PHKB: variants seen among roughly 807,000 people sequenced by gnomAD.
The protein encoded by PHKB is phosphorylase b kinase regulatory subunit beta.
Under a neutral mutation model 152.1 loss-of-function variants are expected in PHKB, and 122 were observed. The observed-to-expected ratio is 0.80, with a 90% CI of 0.69 to 0.93. PHKB has a LOEUF of 0.93. Ranked by LOEUF, PHKB falls within the 40% of genes least tolerant of loss-of-function variation. The pLI, the probability that PHKB is intolerant of heterozygous loss-of-function variation, is 0.00. For missense variants in PHKB, 1,304 were observed against 1,328.4 expected (o/e 0.98, Z 0.29); for synonymous variants, 436 against 464.9 (o/e 0.94, Z 0.80).
intron 1 of PHKB, among the ~76,000 whole-genome samples, chr16:47,484,799 GTAGT>G (rs1200093098): frequency 6.6e-6 from 1 of 152,176 alleles, no homozygotes; most frequent in Non-Finnish European, 1.5e-5. Flanking sequence ...CAATGCATAA[GTAGT>G]TAGGCATTCA....
intron 16 of PHKB, among the ~76,000 whole-genome samples, chr16:47,644,289 C>G (rs1222781212): frequency 6.6e-6 from 1 of 152,154 alleles, no homozygotes; most frequent in Non-Finnish European, 1.5e-5. Context: ...TTGTCTAAAA[C>G]CACTGCTATT....
intron 14 of PHKB, among the ~76,000 whole-genome samples, chr16:47,639,437 G>T (rs1027587248): frequency 6.6e-6 from 1 of 152,206 alleles, no homozygotes; most frequent in Non-Finnish European, 1.5e-5. Flanking sequence ...TGGGGCAAAA[G>T]GTCCCACTTG....
intron 5 of PHKB, among the ~76,000 whole-genome samples, chr16:47,513,797 A>G (rs183351524): frequency 6.6e-6 from 1 of 152,294 alleles, no homozygotes; most frequent in African/African-American, 2.4e-5. Flanking sequence ...CCTGGCTGAA[A>G]GTTTTTCACT....
chr16:47,653,282 G>T (rs951938084), intron 20 of PHKB, among the ~76,000 whole-genome samples: 2 of 152,120 alleles, frequency 1.3e-5, no homozygotes, highest in Non-Finnish European at 2.9e-5. Context: ...TTTAATCCTT[G>T]TATCTCCTGC....
chr16:47,507,846 C>T (rs1295093941), intron 4 of PHKB, among the ~76,000 whole-genome samples: 2 of 152,206 alleles, frequency 1.3e-5, no homozygotes, highest in Non-Finnish European at 2.9e-5. Context: ...CATACCTTCA[C>T]ATCTTGTTGC....
intron 1 of PHKB, among the ~76,000 whole-genome samples, chr16:47,464,693 G>T (rs1196868706): frequency 1.3e-5 from 2 of 152,192 alleles, no homozygotes; most frequent in African/African-American, 2.4e-5. Context: ...GATGTATTCA[G>T]TGTCACTTTA....
intron 6 of PHKB, among the ~76,000 whole-genome samples, chr16:47,533,934 C>G (rs1469322722): frequency 6.6e-6 from 1 of 152,156 alleles, no homozygotes; most frequent in African/African-American, 2.4e-5. Flanking sequence ...AGCAGGAGGC[C>G]TGGGCCCACA....
chr16:47,698,656 A>T, intron 30 of PHKB, 68 bp downstream of exon 30: 3 of 1,239,424 alleles, frequency 2.4e-6, no homozygotes, highest in Non-Finnish European at 1.1e-6. Context: ...TCTTTAAAAT[A>T]TCCCTAATCT....
At chr16:47,526,193 G>C (rs1970763526) in intron 6 of PHKB, among the ~76,000 whole-genome samples, 1 of 151,648 alleles carries the variant, frequency 6.6e-6, no homozygotes, top group Non-Finnish European at 1.5e-5. Flanking sequence ...ATGGATATCT[G>C]AGGTCAGGAG....
chr16:47,665,067 T>A (rs1171804588), intron 25 of PHKB, 92 bp downstream of exon 25: 2 of 802,934 alleles, frequency 2.5e-6, no homozygotes, highest in African/African-American at 3.4e-5. Context: ...GGTCTTATAG[T>A]GTGTGGGTGA....
intron 16 of PHKB, among the ~76,000 whole-genome samples, chr16:47,646,614 A>G (rs1055801974): frequency 2.7e-5 from 4 of 150,942 alleles, no homozygotes; most frequent in African/African-American, 9.7e-5. Context: ...ACAAAGAGTC[A>G]TTAAATATAT....
intron 26 of PHKB, among the ~76,000 whole-genome samples, chr16:47,672,793 G>A (rs934913776): frequency 5.3e-5 from 8 of 152,060 alleles, no homozygotes; most frequent in Admixed American, 2.0e-4. Context: ...TCTAAAAATA[G>A]CATTCTTTCT....
chr16:47,502,093 T>C (rs1970333464), intron 3 of PHKB, among the ~76,000 whole-genome samples: 1 of 152,214 alleles, frequency 6.6e-6, no homozygotes, highest in Non-Finnish European at 1.5e-5. Context: ...AATCTATGAT[T>C]TAACTGGGAG....
chr16:47,540,204 G>T (rs915674374), intron 6 of PHKB, among the ~76,000 whole-genome samples: 2 of 152,024 alleles, frequency 1.3e-5, no homozygotes, highest in African/African-American at 4.8e-5. Context: ...ATATGCCCTG[G>T]TCTCCTGCAG....
intron 1 of PHKB, chr16:47,462,286 G>C (rs1969578808): frequency 6.6e-6 from 1 of 152,234 alleles, no homozygotes; most frequent in Non-Finnish European, 1.5e-5. Context: ...TATTGGGGGT[G>C]GGTGTGAAAG....
chr16:47,528,018 C>T (rs759050650), intron 6 of PHKB, among the ~76,000 whole-genome samples: 1 of 152,158 alleles, frequency 6.6e-6, no homozygotes, highest in Non-Finnish European at 1.5e-5. Flanking sequence ...TTTTATATGG[C>T]AGCCTTAGCA....
chr16:47,643,554 A>G (rs927843435), intron 16 of PHKB, among the ~76,000 whole-genome samples: 1 of 152,200 alleles, frequency 6.6e-6, no homozygotes, highest in Non-Finnish European at 1.5e-5. Flanking sequence ...CTTCCTGTGC[A>G]TGTGTTGAGA....
At chr16:47,552,117 G>A (rs1971282467) in intron 7 of PHKB, among the ~76,000 whole-genome samples, 1 of 152,130 alleles carries the variant, frequency 6.6e-6, no homozygotes, top group South Asian at 2.1e-4. Flanking sequence ...CTTTGCACAT[G>A]AGATGGATCT....
intron 1 of PHKB, among the ~76,000 whole-genome samples, chr16:47,494,587 G>A (rs1970201593): frequency 6.6e-6 from 1 of 152,150 alleles, no homozygotes; most frequent in African/African-American, 2.4e-5. Flanking sequence ...ACCTAGCTCA[G>A]TCTGCTCTGA....
Sources: gnomAD v4.1 joint callset for allele counts (sites outside exome capture counted in the v4.1 genomes callset) on GRCh38, gnomAD v4.1.1 for gene constraint, MANE v1.5 for transcripts, NCBI Gene and HGNC (gene_info 2026-07-23, HGNC 2026-07-21) for gene names.